Variants in DNAJC3 observed in about 807,000 individuals in gnomAD.
The protein encoded by DNAJC3 is dnaJ homolog subfamily C member 3.
Under a neutral mutation model 68.6 loss-of-function variants are expected in DNAJC3, and 38 were observed. The ratio of observed to expected loss-of-function variants is 0.55; its 90% confidence interval spans 0.43 to 0.73. DNAJC3 has a LOEUF of 0.73. DNAJC3 is among the 30% of genes least tolerant of loss of function. The pLI is 0.00. For synonymous variants in DNAJC3, 203 were observed against 204.0 expected (o/e 1.00, Z 0.04); for missense variants, 526 against 591.9 (o/e 0.89, Z 1.16).
chr13:95,709,181 C>T, intron 1 of DNAJC3, 46 bp from the exon 2 acceptor site: 1 of 1,331,796 alleles, frequency 7.5e-7, no homozygotes, highest in Non-Finnish European at 1.0e-6. Context: ...AGAATTAAAT[C>T]TTAGTTCGTG....
Position 95,760,316 on chromosome 13 carries a change from A to G in DNAJC3, c.728+95A>G, listed in dbSNP as rs200406309. On this transcript the variant is annotated intron_variant, in intron 6 of 11. Coordinates refer to ENST00000602402, the MANE Select transcript of DNAJC3 (RefSeq NM_006260.5). ...AACATTTTAATATTAAATTAATAAG[A>G]TGATGGTAGTTAAGGCTGTTTTTAT... 3.3e-5 allele frequency: 37 copies of G among 1,132,980 alleles called. No homozygotes were observed. In the East Asian group the frequency reaches 1.0e-3, roughly 32 times the overall value. 70.2% of individuals were successfully genotyped at this position (1,132,980 alleles called of 1,614,324 possible).
At chr13:95,677,367 T>A (rs781708133) in intron 1 of DNAJC3, 30 bp downstream of exon 1, 4 of 1,559,434 alleles carry the variant, frequency 2.6e-6, no homozygotes, top group Non-Finnish European at 3.5e-6. Flanking sequence ...GGCCAGGAAG[T>A]GGGCTCCCGG....
intron 1 of DNAJC3, among the ~76,000 whole-genome samples, chr13:95,690,858 G>T (rs1880222393): frequency 7.3e-6 from 1 of 137,336 alleles, no homozygotes; most frequent in Non-Finnish European, 1.6e-5. Context: ...CTTCCCAGTA[G>T]GGGCGGCCGG....
chr13:95,677,389 C>T (rs772129116), intron 1 of DNAJC3, 52 bp downstream of exon 1: 4 of 1,517,060 alleles, frequency 2.6e-6, no homozygotes, highest in East Asian at 5.3e-5. Flanking sequence ...CCAGGCCCCC[C>T]GCGCTTTCCC....
At chr13:95,722,946 T>A (rs1275852037) in intron 2 of DNAJC3, among the ~76,000 whole-genome samples, 1 of 151,962 alleles carries the variant, frequency 6.6e-6, no homozygotes, top group East Asian at 1.9e-4. Context: ...GGCCACAGTC[T>A]TATGTTTTTC....
At chr13:95,688,930 GT>G (rs59064471) in intron 1 of DNAJC3, among the ~76,000 whole-genome samples, 8,045 of 51,270 alleles carry the variant, frequency 0.16, 251 homozygotes, top group Non-Finnish European at 0.18. Context: ...TTGTGTGGGT[GT>G]GTGTGTGTGT....
intron 9 of DNAJC3, among the ~76,000 whole-genome samples, chr13:95,768,359 T>G (rs1460563141): frequency 2.0e-5 from 3 of 152,198 alleles, no homozygotes; most frequent in African/African-American, 7.2e-5. Flanking sequence ...GAACTTGCAT[T>G]GACTTTTCTG....
rs1253539454 is a variant in DNAJC3, at chr13:95,792,145, GTTAGTCAGGTCTGGCTATAT to G, written c.*1118_*1137del. ...CTGCCTACAAGAAAATACAGGCAAGGTTAGTCAGGTCTGGCTATATTTCCACTGTTGTTTCATTTAATAAG... is the reference window on the plus strand; with the variant it reads ...CTGCCTACAAGAAAATACAGGCAAGGTTCCACTGTTGTTTCATTTAATAAG... On this transcript the variant is annotated 3_prime_UTR_variant, in exon 12 of 12. Coordinates refer to ENST00000602402, the MANE Select transcript of DNAJC3 (RefSeq NM_006260.5). 6.6e-6 allele frequency: 1 copy of G among 152,186 alleles called. No individual in the cohort carries two copies. The highest frequency in any genetic ancestry group is 1.5e-5 in the Non-Finnish European group (1 of 68,034). 9.4% of individuals were successfully genotyped at this position (152,186 alleles called of 1,614,324 possible).
chr13:95,684,136 A>C (rs1361586700), intron 1 of DNAJC3, among the ~76,000 whole-genome samples: 1 of 152,116 alleles, frequency 6.6e-6, no homozygotes, highest in Non-Finnish European at 1.5e-5. Flanking sequence ...AGAGGAACGA[A>C]AGTTTGAAAC....
At chr13:95,763,177 G>A (rs116972397) in intron 7 of DNAJC3, among the ~76,000 whole-genome samples, 9 of 152,272 alleles carry the variant, frequency 5.9e-5, no homozygotes, top group East Asian at 1.9e-4. Flanking sequence ...TGTGAACTAC[G>A]TTGTACTTTG....
At chr13:95,789,020 C>CTAAG (rs1883682836) in intron 11 of DNAJC3, among the ~76,000 whole-genome samples, 1 of 152,168 alleles carries the variant, frequency 6.6e-6, no homozygotes, top group Non-Finnish European at 1.5e-5. Context: ...TGGCTTTTCT[C>CTAAG]TAAGTATCTT....
chr13:95,791,110 A>G lies in DNAJC3; in HGVS notation c.*80A>G, dbSNP rs1430977377. ...CTTGTTCCGGGACCCTAATGAAAAA[A>G]AATTTCAAATCTTTTCAGTTTGTCC... On this transcript the variant is annotated 3_prime_UTR_variant, in exon 12 of 12. Coordinates refer to ENST00000602402, the MANE Select transcript of DNAJC3 (RefSeq NM_006260.5). 4.2e-5 allele frequency: 64 copies of G among 1,532,272 alleles called. No homozygotes were observed. Among genetic ancestry groups the G allele is most frequent in the Non-Finnish European group, 5.7e-5 (64 of 1,126,148 alleles). 94.9% of individuals were successfully genotyped at this position (1,532,272 alleles called of 1,614,324 possible).
At chr13:95,780,379 C>G (rs997127029) in intron 9 of DNAJC3, among the ~76,000 whole-genome samples, 1 of 152,202 alleles carries the variant, frequency 6.6e-6, no homozygotes, top group African/African-American at 2.4e-5. Context: ...TTTATCTCCA[C>G]TATGTGTGCT....
chr13:95,701,629 G>A (rs1880588234), intron 1 of DNAJC3, among the ~76,000 whole-genome samples: 1 of 152,142 alleles, frequency 6.6e-6, no homozygotes, highest in Admixed American at 6.5e-5. Flanking sequence ...TCGCATGTAT[G>A]TTTGAGGTAT....
intron 9 of DNAJC3, among the ~76,000 whole-genome samples, chr13:95,785,634 T>TG (rs200617387): frequency 0.013 from 1,897 of 142,356 alleles, 45 homozygotes; most frequent in African/African-American, 0.047. Context: ...AATTTTTGTG[T>TG]TTTTTTTTTT....
chr13:95,757,765 C>G lies in DNAJC3; in HGVS notation c.515C>G (p.Ala172Gly). The change falls in exon 5 of 12, where the codon GCT (alanine) becomes GGT (glycine). Residue 172 changes from alanine to glycine, a missense_variant. Ala to Gly is a moderately conservative substitution (Grantham distance 60, BLOSUM62 0). Coordinates refer to ENST00000602402, the MANE Select transcript of DNAJC3 (RefSeq NM_006260.5). Reference protein sequence around the residue: ...LNAFGSGDYTAAIAFLDKILE... With the variant: ...LNAFGSGDYTGAIAFLDKILE... ...GCTTTTGGAAGTGGAGATTATACTG[C>G]TGCTATAGCCTTCCTTGATAAGATT... The G allele has an allele frequency of 6.4e-7, 1 of 1,551,988 alleles. No individual in the cohort carries two copies. Among genetic ancestry groups the G allele is most frequent in the Non-Finnish European group, 8.8e-7 (1 of 1,133,874 alleles).
At chr13:95,720,285 C>T (rs965450061) in intron 2 of DNAJC3, among the ~76,000 whole-genome samples, 14 of 152,094 alleles carry the variant, frequency 9.2e-5, no homozygotes, top group Admixed American at 2.6e-4. Context: ...CTTAAATCAT[C>T]GTATTTCCAG....
intron 11 of DNAJC3, among the ~76,000 whole-genome samples, chr13:95,789,506 T>C (rs1449620604): frequency 2.6e-5 from 4 of 152,234 alleles, no homozygotes; most frequent in South Asian, 2.1e-4. Flanking sequence ...TATGGCTGCA[T>C]AGTATTCCAT....
intron 2 of DNAJC3, 79 bp downstream of exon 2, chr13:95,709,416 T>C (rs17885485): frequency 9.3e-6 from 9 of 970,358 alleles, no homozygotes; most frequent in Middle Eastern, 4.3e-4. Flanking sequence ...AAATAACATT[T>C]AAAATAAACA....
Sources: gnomAD v4.1 joint callset for allele counts (sites outside exome capture counted in the v4.1 genomes callset) on GRCh38, gnomAD v4.1.1 for gene constraint, MANE v1.5 for transcripts, NCBI Gene and HGNC (gene_info 2026-07-23, HGNC 2026-07-21) for gene names.